The following IFT140 variants were observed in gnomAD, a reference collection of about 807,000 sequenced individuals.
The protein encoded by IFT140 is intraflagellar transport protein 140 homolog.
In IFT140, 133 loss-of-function variants were observed where a neutral mutation model predicts 164.6. The observed-to-expected ratio is 0.81, with a 90% CI of 0.70 to 0.93. The LOEUF (loss-of-function observed/expected upper bound fraction) is 0.93, where lower values mean the gene tolerates loss of function less well. IFT140 is among the 40% of genes least tolerant of loss of function. IFT140 has a pLI of 0.00. For synonymous variants in IFT140, 860 were observed against 817.3 expected, an observed-to-expected ratio of 1.05 and a Z score of -0.89; for missense variants, 2,045 against 1,972.3, an observed-to-expected ratio of 1.04 and a Z score of -0.70.
chr16:1,529,133 C>T (rs2141205687), intron 19 of IFT140, among the ~76,000 whole-genome samples: 1 of 152,344 alleles, frequency 6.6e-6, no homozygotes, highest in African/African-American at 2.4e-5. Context: ...TACTTTGTGC[C>T]TGGTTTTACA....
At chr16:1,600,232 G>A (rs1031891755) in intron 4 of IFT140, among the ~76,000 whole-genome samples, 1 of 145,574 alleles carries the variant, frequency 6.9e-6, no homozygotes, top group African/African-American at 2.6e-5. Context: ...GATGTGCTTT[G>A]TTAAACAGAT....
intron 10 of IFT140, among the ~76,000 whole-genome samples, 159 bp from the exon 11 acceptor site, chr16:1,584,579 G>A (rs1308035664): frequency 6.6e-6 from 1 of 152,168 alleles, no homozygotes; most frequent in Non-Finnish European, 1.5e-5. Flanking sequence ...TATAAGAAAA[G>A]TCTTATAAAG....
At position 1,589,684 on chromosome 16, in the gene IFT140, G is replaced by T. The variant is rs758547276; in HGVS notation, c.731C>A (p.Ala244Glu). ...GAGGTTCTCTGTGACCACCACCAGT[G>T]CCTCCCTCTTCTCCATGTAGAACAG... The part of the protein sequence containing the change: ...QMLFYMEKRE[A>E]LVVVTENLRL... The change falls in exon 7 of 31, where the codon GCA (alanine) becomes GAA (glutamate). Residue 244 changes from alanine to glutamate, a missense_variant. By Grantham distance (107) the Ala-to-Glu change is moderately radical. Transcript: ENST00000426508. The T allele has an allele frequency of 5.0e-6, 8 of 1,614,132 alleles. No individual in the cohort carries two copies. The East Asian group carries it at 1.8e-4, about 36-fold the overall frequency.
chr16:1,558,286 G>A, intron 18 of IFT140, 152 bp from the exon 19 acceptor site: 1 of 759,398 alleles, frequency 1.3e-6, no homozygotes, highest in Non-Finnish European at 2.1e-6. Context: ...CCTGCCAGAT[G>A]CCCTGAAAAC....
At chr16:1,573,610 C>G (rs1014293465) in intron 13 of IFT140, among the ~76,000 whole-genome samples, 1 of 152,146 alleles carries the variant, frequency 6.6e-6, no homozygotes, top group Non-Finnish European at 1.5e-5. Context: ...CAAACCCAAC[C>G]TCTCAGGCTA....
intron 13 of IFT140, among the ~76,000 whole-genome samples, chr16:1,579,878 C>T (rs749610497): frequency 2.6e-5 from 4 of 151,480 alleles, no homozygotes; most frequent in East Asian, 3.9e-4. Flanking sequence ...GCAGGAGAAT[C>T]GCTTGTACCT....
intron 19 of IFT140, among the ~76,000 whole-genome samples, chr16:1,544,427 C>T (rs896600465): frequency 5.3e-5 from 8 of 151,704 alleles, no homozygotes; most frequent in South Asian, 2.1e-4. Flanking sequence ...CCTCGTGATC[C>T]GCCCACCTTG....
chr16:1,584,062 A>C (rs1309166683), intron 11 of IFT140, among the ~76,000 whole-genome samples, 155 bp downstream of exon 11: 1 of 152,132 alleles, frequency 6.6e-6, no homozygotes, highest in Non-Finnish European at 1.5e-5. Flanking sequence ...TTTCTTTATG[A>C]ATATAATGTA....
At chr16:1,532,376 G>A (rs2030597241) in intron 19 of IFT140, 1 of 152,380 alleles carries the variant, frequency 6.6e-6, no homozygotes, top group African/African-American at 2.4e-5. Flanking sequence ...ACGCTTCTCA[G>A]GACCCAGCAC....
At chr16:1,544,242 G>A (rs1318255439) in intron 19 of IFT140, among the ~76,000 whole-genome samples, 1 of 149,188 alleles carries the variant, frequency 6.7e-6, no homozygotes, top group Non-Finnish European at 1.5e-5. Context: ...GGAGTGCCGT[G>A]GCACAATCTC....
At chr16:1,586,868 G>A (rs984879456) in intron 9 of IFT140, among the ~76,000 whole-genome samples, 2 of 152,124 alleles carry the variant, frequency 1.3e-5, no homozygotes, top group Non-Finnish European at 2.9e-5. Flanking sequence ...CATCACACCT[G>A]GCTAATTTTT....
At position 1,592,199 on chromosome 16, in the gene IFT140, A is replaced by C; in HGVS notation, c.611T>G (p.Leu204Trp). The part of the protein sequence containing the change: ...LLKMGSHEGL[L>W]FFVSLMDGTV... ...ACCGTCCATCAGACTGACAAAGAAC[A>C]ACAGCCCCTCGTGAGACCCCATCTT... Residue 204 changes from leucine (L) to tryptophan (W), a missense_variant, in exon 6 of 31, where the codon TTG becomes TGG. Leu to Trp is a moderately conservative substitution (Grantham distance 61). Coordinates refer to ENST00000426508, the MANE Select transcript of IFT140 (RefSeq NM_014714.4). 1 of 1,614,212 alleles carries C rather than the reference A, an allele frequency of 6.2e-7. No homozygotes were observed. The highest frequency in any genetic ancestry group is 8.5e-7 in the Non-Finnish European group (1 of 1,180,036).
At position 1,611,524 on chromosome 16, in the gene IFT140, T is replaced by A. The variant is rs575885829; in HGVS notation, c.-222+444A>T. On this transcript the variant is annotated intron_variant, in intron 1 of 30. Coordinates refer to ENST00000426508, the MANE Select transcript of IFT140 (RefSeq NM_014714.4). The stretch of plus-strand genomic sequence containing the variant: ...AAAAAAAGAAAAGAAAAAGAAACAC[T>A]GGAATTTGAGCCGGGCGCGGTGGCT... Among the ~76,000 whole-genome samples, 5 of 131,324 alleles carry A rather than the reference T, an allele frequency of 3.8e-5. No homozygotes were observed. The South Asian group carries it at 1.2e-3, about 32-fold the overall frequency. 86.2% of individuals were successfully genotyped at this position (131,324 alleles called of 152,430 possible).
At chr16:1,587,799 G>T in intron 8 of IFT140, 134 bp downstream of exon 8, 2 of 687,060 alleles carry the variant, frequency 2.9e-6, no homozygotes, top group Non-Finnish European at 2.5e-6. Context: ...CTGGTGAATG[G>T]GTACGTCCAG....
At chr16:1,529,624 C>T (rs1385903631) in intron 19 of IFT140, among the ~76,000 whole-genome samples, 2 of 152,346 alleles carry the variant, frequency 1.3e-5, no homozygotes, top group Middle Eastern at 6.8e-3. Flanking sequence ...GTGCTGCCCT[C>T]GGTCCTCTAG....
chr16:1,541,409 A>C (rs999913755), intron 19 of IFT140: 2 of 985,222 alleles, frequency 2.0e-6, no homozygotes, highest in Admixed American at 6.2e-5. Context: ...GGAGGAGGGA[A>C]CACCACCATG....
chr16:1,562,838 A>G (rs994672231), intron 17 of IFT140, among the ~76,000 whole-genome samples: 1 of 152,156 alleles, frequency 6.6e-6, no homozygotes, highest in African/African-American at 2.4e-5. Flanking sequence ...CCTGCTTTCA[A>G]GGAACAGGGA....
At chr16:1,559,040 T>G (rs532050702) in intron 18 of IFT140, among the ~76,000 whole-genome samples, 1 of 152,316 alleles carries the variant, frequency 6.6e-6, no homozygotes, top group Non-Finnish European at 1.5e-5. Context: ...GGGGAGGCCC[T>G]TCTTGGCACA....
chr16:1,583,241 G>T, intron 12 of IFT140, 73 bp downstream of exon 12: 2 of 1,267,246 alleles, frequency 1.6e-6, no homozygotes, highest in Non-Finnish European at 2.3e-6. Flanking sequence ...GCACCACAGT[G>T]GCCCTCTCAT....
Sources: gnomAD v4.1 joint callset for allele counts (sites outside exome capture counted in the v4.1 genomes callset) on GRCh38, gnomAD v4.1.1 for gene constraint, MANE v1.5 for transcripts, NCBI Gene and HGNC (gene_info 2026-07-23, HGNC 2026-07-21) for gene names.